The following DGKB variants were observed in gnomAD, a reference collection of about 807,000 sequenced individuals.
DGKB encodes diacylglycerol kinase beta, also known as 90 kDa diacylglycerol kinase.
In DGKB, 67 loss-of-function variants were observed where a neutral mutation model predicts 114.3. The observed-to-expected ratio is 0.59, with a 90% CI of 0.48 to 0.72. The LOEUF is 0.72. Ranked by LOEUF, DGKB falls within the 30% of genes least tolerant of loss-of-function variation. The pLI is 0.00. For synonymous variants in DGKB, 398 were observed against 323.1 expected (o/e 1.23, Z -2.49); for missense variants, 907 against 975.2 (o/e 0.93, Z 0.93).
chr7:14,688,406 G>A (rs1277060463), intron 9 of DGKB, among the ~76,000 whole-genome samples: 2 of 152,012 alleles, frequency 1.3e-5, no homozygotes, highest in African/African-American at 2.4e-5. Context: ...TTTCCAGGCC[G>A]TGGTGTGAGG....
At position 14,839,195 on chromosome 7, in the gene DGKB, C is replaced by A. The variant is rs1847570302; in HGVS notation, c.70+1999G>T. 2.0e-5 allele frequency among the ~76,000 whole-genome samples: 3 copies of A among 152,048 alleles called. No individual in the cohort carries two copies. In the South Asian group the frequency reaches 6.2e-4, roughly 31 times the overall value. On this transcript the variant is annotated intron_variant, in intron 2 of 25. Coordinates refer to ENST00000402815, the MANE Select transcript of DGKB (RefSeq NM_001350709.2). ...TATCTCTTCATATTTGCATCTCCTG[C>A]AGCACCAAGCAGAAAACTCACTCTG...
intron 20 of DGKB, among the ~76,000 whole-genome samples, chr7:14,553,030 T>C (rs1266424961): frequency 6.6e-6 from 1 of 152,080 alleles, no homozygotes; most frequent in African/African-American, 2.4e-5. Flanking sequence ...AAAGGGGAAA[T>C]CAAAGATAAA....
intron 21 of DGKB, among the ~76,000 whole-genome samples, chr7:14,381,374 T>TA (rs1819446976): frequency 1.3e-5 from 2 of 152,226 alleles, no homozygotes; most frequent in Non-Finnish European, 2.9e-5. Context: ...ATTGAAGGCT[T>TA]AGTGAATGTC....
In DGKB at chr7:14,176,849, G is replaced by T. The variant is rs1392668859; in HGVS notation, c.2294C>A (p.Thr765Asn). ...MQIDGEPWMQ[T>N]PCTIKITHKN... ...CTACTCTGTACTCACTGTGCATGGG[G>T]TCTGCATCCATGGCTCCCCATCAAT... The change falls in exon 25 of 26, where the codon ACC (threonine) becomes AAC (asparagine). Residue 765 changes from threonine to asparagine, a missense_variant. Coordinates refer to ENST00000402815, the MANE Select transcript of DGKB (RefSeq NM_001350709.2). 4 of 1,613,900 alleles carry T rather than the reference G, an allele frequency of 2.5e-6. No individual in the cohort carries two copies. The highest frequency in any genetic ancestry group is 2.5e-6 in the Non-Finnish European group (3 of 1,179,822).
chr7:14,836,587 C>A (rs1321928148), intron 2 of DGKB, among the ~76,000 whole-genome samples: 1 of 152,174 alleles, frequency 6.6e-6, no homozygotes, highest in African/African-American at 2.4e-5. Flanking sequence ...ATGTGATAAG[C>A]TTAATTCTCT....
chr7:14,266,963 AT>A (rs1419960717), intron 23 of DGKB, among the ~76,000 whole-genome samples: 2 of 151,056 alleles, frequency 1.3e-5, no homozygotes, highest in African/African-American at 2.4e-5. Context: ...ATTACCTTAT[AT>A]TTTAAAGCCA....
At chr7:14,653,083 G>A (rs561452301) in intron 13 of DGKB, among the ~76,000 whole-genome samples, 1 of 150,886 alleles carries the variant, frequency 6.6e-6, no homozygotes. Context: ...CAACCATTGT[G>A]GAAGTCAGTG....
At chr7:14,968,003 G>C (rs1787262188) in intron 1 of DGKB, among the ~76,000 whole-genome samples, 1 of 152,094 alleles carries the variant, frequency 6.6e-6, no homozygotes, top group African/African-American at 2.4e-5. Flanking sequence ...GGTAAAAAGA[G>C]TGACAGCTCA....
chr7:14,656,100 C>G (rs1246521444), intron 13 of DGKB, among the ~76,000 whole-genome samples: 4 of 151,546 alleles, frequency 2.6e-5, no homozygotes, highest in Non-Finnish European at 5.9e-5. Flanking sequence ...GATTTAATCA[C>G]TGCATATTTC....
At chr7:14,641,866 G>A (rs944276415) in intron 13 of DGKB, among the ~76,000 whole-genome samples, 3 of 151,962 alleles carry the variant, frequency 2.0e-5, no homozygotes, top group African/African-American at 2.4e-5. Context: ...GACAAAATTA[G>A]AAATCATTTT....
intron 25 of DGKB, among the ~76,000 whole-genome samples, chr7:14,158,449 G>A (rs1056414568): frequency 1.3e-5 from 2 of 152,176 alleles, no homozygotes; most frequent in African/African-American, 4.8e-5. Flanking sequence ...TTGTTTGTTT[G>A]TTTAATCAAG....
At chr7:14,430,450 T>C (rs1583882242) in intron 21 of DGKB, among the ~76,000 whole-genome samples, 1 of 152,178 alleles carries the variant, frequency 6.6e-6, no homozygotes, top group East Asian at 1.9e-4. Flanking sequence ...TCATGATTGG[T>C]TAACATGTGA....
chr7:14,396,557 C>T (rs965443656), intron 21 of DGKB, among the ~76,000 whole-genome samples: 1 of 152,100 alleles, frequency 6.6e-6, no homozygotes, highest in African/African-American at 2.4e-5. Context: ...GGCCATGGAC[C>T]AAAAGGCTGT....
chr7:14,405,439 A>G (rs1318640139), intron 21 of DGKB, among the ~76,000 whole-genome samples: 5 of 152,080 alleles, frequency 3.3e-5, no homozygotes, highest in African/African-American at 4.8e-5. Flanking sequence ...AATTTGGATA[A>G]TAATAGCCAT....
chr7:14,172,428 T>G (rs115730079), intron 25 of DGKB, among the ~76,000 whole-genome samples: 1,621 of 152,022 alleles, frequency 0.011, 25 homozygotes, highest in African/African-American at 0.037. Flanking sequence ...TCTAAAACAG[T>G]GGTTAATAGG....
chr7:14,651,186 C>A (rs1467335861), intron 13 of DGKB, among the ~76,000 whole-genome samples: 3 of 151,974 alleles, frequency 2.0e-5, no homozygotes, highest in African/African-American at 7.3e-5. Context: ...CAGGCAGAGA[C>A]ACAACAAAAA....
chr7:14,231,050 A>G (rs1284414287), intron 23 of DGKB, among the ~76,000 whole-genome samples: 1 of 152,052 alleles, frequency 6.6e-6, no homozygotes, highest in Non-Finnish European at 1.5e-5. Context: ...GACGAATTGT[A>G]TTAAGCAAGG....
intron 17 of DGKB, among the ~76,000 whole-genome samples, chr7:14,586,524 G>A (rs535785319): frequency 2.0e-5 from 3 of 152,202 alleles, no homozygotes; most frequent in Admixed American, 6.6e-5. Context: ...AAGGTGGTAC[G>A]CTAAACAACA....
At chr7:14,649,584 C>T (rs1313835587) in intron 13 of DGKB, among the ~76,000 whole-genome samples, 1 of 151,896 alleles carries the variant, frequency 6.6e-6, no homozygotes, top group Non-Finnish European at 1.5e-5. Flanking sequence ...GAAACTGCAT[C>T]AACTAACGAG....
Sources: allele counts gnomAD v4.1 joint callset (sites outside exome capture counted in the v4.1 genomes callset), GRCh38; gene constraint gnomAD v4.1.1; transcripts MANE v1.5; gene names NCBI Gene and HGNC (gene_info 2026-07-23, HGNC 2026-07-21).